Variants in LRRFIP1 observed in about 807,000 individuals in gnomAD.
The protein encoded by LRRFIP1 is LRR binding FLII interacting protein 1.
A neutral mutation model predicts 104.4 loss-of-function variants in LRRFIP1; 62 were observed. The observed-to-expected ratio is 0.59, with a 90% confidence interval of 0.48 to 0.73. LRRFIP1 has a LOEUF of 0.73. Among genes scored for constraint, LRRFIP1 ranks in the 30% least tolerant of loss-of-function variants. The pLI is 0.00. For missense variants in LRRFIP1, 796 were observed against 824.5 expected (o/e 0.97, Z 0.42); for synonymous variants, 300 against 299.0 (o/e 1.00, Z -0.03).
intron 15 of LRRFIP1, among the ~76,000 whole-genome samples, chr2:237,754,955 A>G (rs908778692): frequency 6.6e-6 from 1 of 152,168 alleles, no homozygotes; most frequent in African/African-American, 2.4e-5. Flanking sequence ...AAAGCCCCAC[A>G]GGAGGGCCCT....
chr2:237,714,945 G>T (rs535078278), intron 3 of LRRFIP1, among the ~76,000 whole-genome samples: 11 of 152,342 alleles, frequency 7.2e-5, no homozygotes, highest in Non-Finnish European at 1.3e-4. Context: ...GTATACACGG[G>T]AGTCTTTCCC....
chr2:237,731,662 G>A (rs3820811), intron 8 of LRRFIP1, among the ~76,000 whole-genome samples: 1 of 152,076 alleles, frequency 6.6e-6, no homozygotes, highest in African/African-American at 2.4e-5. Context: ...ACTCATTTTC[G>A]ATAAGCTGAG....
intron 19 of LRRFIP1, chr2:237,763,254 T>G (rs1290259379): frequency 6.2e-7 from 1 of 1,613,836 alleles, no homozygotes; most frequent in African/African-American, 1.3e-5. Context: ...GAGAAACCAA[T>G]CAAGACAGAA....
At position 237,703,573 on chromosome 2, in the gene LRRFIP1, C is replaced by T. The variant is rs2149940561; in HGVS notation, c.97-4971C>T. Reference sequence around the variant, plus strand: ...CCTGGTCGCAGCCACCCCGGCTCTGCTTGTCCTGTTTCAGGGTCCGGCTTA... The same window carrying T: ...CCTGGTCGCAGCCACCCCGGCTCTGTTTGTCCTGTTTCAGGGTCCGGCTTA... On this transcript the variant is annotated intron_variant, in intron 1 of 23. Coordinates refer to ENST00000308482, the MANE Select transcript of LRRFIP1 (RefSeq NM_001137550.2). This position sits in a 1 kb window ranked among gnomAD's most constrained non-coding sequence, Gnocchi z 4.3. Among the ~76,000 whole-genome samples the T allele has an allele frequency of 6.6e-6, 1 of 152,178 alleles. No homozygotes were observed. The highest frequency in any genetic ancestry group is 2.1e-4 in the South Asian group (1 of 4,816).
intron 1 of LRRFIP1, among the ~76,000 whole-genome samples, chr2:237,658,822 G>A (rs13003839): frequency 0.13 from 20,446 of 152,186 alleles, 1,880 homozygotes; most frequent in Non-Finnish European, 0.21. Flanking sequence ...TTTGACATGC[G>A]GAGATTATGG....
intron 11 of LRRFIP1, among the ~76,000 whole-genome samples, chr2:237,740,580 G>A (rs887307819): frequency 4.6e-5 from 7 of 152,136 alleles, no homozygotes; most frequent in East Asian, 1.9e-4. Flanking sequence ...TCCTGCTTGC[G>A]TGGATGTACC....
chr2:237,651,029 GCCC>G (rs765899857), intron 1 of LRRFIP1, among the ~76,000 whole-genome samples: 2 of 152,162 alleles, frequency 1.3e-5, no homozygotes, highest in Non-Finnish European at 2.9e-5. Context: ...CTTATTCACA[GCCC>G]CTAAGGTATA....
intron 13 of LRRFIP1, among the ~76,000 whole-genome samples, chr2:237,750,326 CTTTTTTTTT>C (rs928510240): frequency 4.9e-5 from 3 of 60,706 alleles, no homozygotes; most frequent in Non-Finnish European, 9.2e-5. Flanking sequence ...TTCTTTCTTT[CTTTTTTTTT>C]TTTTTTTTTT....
In LRRFIP1 at chr2:237,733,728, G is replaced by T. The variant is rs774620144; in HGVS notation, c.445-46G>T. On this transcript the variant is annotated intron_variant, in intron 8 of 23. Transcript: ENST00000308482. The stretch of plus-strand genomic sequence containing the variant: ...TGGCCTTTTGCTGTCATTTGTTGCT[G>T]TTTTTTCAAGGCTTTTAAAACCTGC... The T allele has an allele frequency of 1.3e-5, 20 of 1,599,874 alleles. No individual in the cohort carries two copies. The South Asian group carries it at 2.1e-4, about 17-fold the overall frequency.
At chr2:237,738,737 G>T (rs982923120) in intron 10 of LRRFIP1, among the ~76,000 whole-genome samples, 1 of 152,202 alleles carries the variant, frequency 6.6e-6, no homozygotes, top group African/African-American at 2.4e-5. Context: ...AGGTAATCTG[G>T]CAATTTAAAA....
rs113619779 is a variant in LRRFIP1 at position 237,719,652 on chromosome 2, T to A, written c.294+85T>A. The A allele has an allele frequency of 2.4e-3, 2,108 of 873,434 alleles. 25 individuals are homozygous for A. The African/African-American group carries it at 0.03, about 13-fold the overall frequency. 54.1% of individuals were successfully genotyped at this position (873,434 alleles called of 1,614,324 possible). A position where few individuals can be genotyped will look rare whatever the true frequency, so the allele number is the denominator to read the frequency against. On this transcript the variant is annotated intron_variant, in intron 5 of 23. Transcript: ENST00000308482. Reference sequence around the variant, plus strand: ...AGTGGCTGAAGTATATATAATATATTCAATCTCTTAATGATGATATCATCT... The same window carrying A: ...AGTGGCTGAAGTATATATAATATATACAATCTCTTAATGATGATATCATCT...
Position 237,739,279 on chromosome 2 carries a change from C to A in LRRFIP1, c.603C>A (p.Ser201=). ...TCAACTCCAGCTCCCGCGCCTCCTCCAGGGCCAGCTCGGCCCGGGCCAGCC... is the reference window on the plus strand; with the variant it reads ...TCAACTCCAGCTCCCGCGCCTCCTCAAGGGCCAGCTCGGCCCGGGCCAGCC... ...GHLNSSSRAS[S]RASSARASPV... The change falls in exon 11 of 24, where the codon TCC becomes TCA. Residue 201 remains serine (S), a synonymous_variant. Transcript: ENST00000308482. 1 of 1,564,506 alleles carries A rather than the reference C, an allele frequency of 6.4e-7. No homozygotes were observed.
At chr2:237,732,100 G>T (rs1330721022) in intron 8 of LRRFIP1, among the ~76,000 whole-genome samples, 1 of 151,974 alleles carries the variant, frequency 6.6e-6, no homozygotes, top group African/African-American at 2.4e-5. Context: ...TTCTGTGCGT[G>T]AACTCAAAAG....
At chr2:237,737,361 G>A (rs1409961390) in intron 10 of LRRFIP1, among the ~76,000 whole-genome samples, 3 of 152,186 alleles carry the variant, frequency 2.0e-5, no homozygotes, top group Non-Finnish European at 4.4e-5. Context: ...CAGCCACGTG[G>A]CCAACAAGAG....
chr2:237,739,306 T>A lies in LRRFIP1; in HGVS notation c.630T>A (p.Pro210=), dbSNP rs1277231040. ...GGGCCAGCTCGGCCCGGGCCAGCCCTGTGGTAAGTCGGCCTCCTGGCCTTG... is the reference window on the plus strand; with the variant it reads ...GGGCCAGCTCGGCCCGGGCCAGCCCAGTGGTAAGTCGGCCTCCTGGCCTTG... ...SSRASSARAS[P]VVEERPEKDF... is the part of the protein sequence containing the mutation. Residue 210 remains proline, a synonymous_variant, in exon 11 of 24, where the codon CCT becomes CCA. Transcript: ENST00000308482. 6.4e-7 allele frequency: 1 copy of A among 1,557,210 alleles called. No individual in the cohort carries two copies. The highest frequency in any genetic ancestry group is 8.7e-7 in the Non-Finnish European group (1 of 1,151,712).
At chr2:237,743,436 T>G (rs2057388054) in intron 11 of LRRFIP1, among the ~76,000 whole-genome samples, 1 of 152,186 alleles carries the variant, frequency 6.6e-6, no homozygotes, top group Admixed American at 6.5e-5. Context: ...CTCCACCCAC[T>G]TGGTCCTCCC....
chr2:237,658,889 A>G (rs1330998030), intron 1 of LRRFIP1, among the ~76,000 whole-genome samples: 2 of 152,132 alleles, frequency 1.3e-5, no homozygotes, highest in African/African-American at 4.8e-5. Flanking sequence ...AAGCCTAACC[A>G]TATCAGTGTG....
chr2:237,706,113 G>A (rs1241693768), intron 1 of LRRFIP1, among the ~76,000 whole-genome samples: 1 of 152,210 alleles, frequency 6.6e-6, no homozygotes, highest in Non-Finnish European at 1.5e-5. Context: ...CACGCACTCA[G>A]TGGGAGAGGG....
intron 12 of LRRFIP1, 52 bp from the exon 13 acceptor site, chr2:237,749,147 G>A (rs906194547): frequency 1.9e-6 from 3 of 1,577,148 alleles, no homozygotes; most frequent in East Asian, 4.5e-5. Context: ...TGAGATTTGG[G>A]TGGGGACACA....
Sources: gnomAD v4.1 joint callset for allele counts (sites outside exome capture counted in the v4.1 genomes callset) on GRCh38, gnomAD v4.1.1 for gene constraint, Gnocchi (gnomAD v3.1) non-coding constraint, MANE v1.5 for transcripts, NCBI Gene and HGNC (gene_info 2026-07-23, HGNC 2026-07-21) for gene names.